Variants in HSDL2 observed in about 807,000 individuals in gnomAD.
HSDL2 encodes hydroxysteroid dehydrogenase like 2, also known as hydroxysteroid dehydrogenase-like protein 2.
HSDL2 carries 27 observed loss-of-function variants against 46.3 expected under a neutral mutation model. That is an observed-to-expected ratio of 0.58 (90% CI 0.43 to 0.80). The LOEUF is 0.80. Ranked by LOEUF, HSDL2 falls within the 30% of genes least tolerant of loss-of-function variation. The probability of loss-of-function intolerance (pLI) is 0.00; values close to 1 mark genes in which losing one functional copy is unlikely to be tolerated. For synonymous variants in HSDL2, 153 were observed against 163.6 expected (o/e 0.94, Z 0.50); for missense variants, 451 against 502.7 (o/e 0.90, Z 0.98).
chr9:112,470,151 G>A (rs760283899), intron 10 of HSDL2, among the ~76,000 whole-genome samples: 11 of 152,154 alleles, frequency 7.2e-5, no homozygotes, highest in Non-Finnish European at 1.3e-4. Flanking sequence ...TTTGAGGGCC[G>A]TGTATCCTTT....
chr9:112,395,909 A>C (rs1472042511), intron 1 of HSDL2, among the ~76,000 whole-genome samples: 1 of 152,202 alleles, frequency 6.6e-6, no homozygotes, highest in East Asian at 1.9e-4. Flanking sequence ...TGCTCAATCC[A>C]AACAGGTGTT....
chr9:112,401,778 G>A (rs899905737), intron 1 of HSDL2, among the ~76,000 whole-genome samples: 1 of 152,082 alleles, frequency 6.6e-6, no homozygotes, highest in African/African-American at 2.4e-5. Context: ...TGGGGTATTG[G>A]TAATATTCTA....
chr9:112,427,199 C>T (rs556395883), intron 6 of HSDL2, among the ~76,000 whole-genome samples: 6 of 152,110 alleles, frequency 3.9e-5, no homozygotes, highest in Non-Finnish European at 5.9e-5. Context: ...GGATTATAGG[C>T]GCCCACCGCT....
intron 7 of HSDL2, among the ~76,000 whole-genome samples, chr9:112,440,267 T>C (rs1460396658): frequency 3.3e-5 from 5 of 152,006 alleles, no homozygotes; most frequent in Admixed American, 6.6e-5. Flanking sequence ...ATAACAAAGA[T>C]GAATTCATTC....
Position 112,422,435 on chromosome 9 carries a change from G to A in HSDL2, c.598+3477G>A, listed in dbSNP as rs2132648413. ...GAGATTGAAATATAATATGAAAAAT[G>A]CTCTCTGGAACTAAAAATAGATTGT... On this transcript the variant is annotated intron_variant, in intron 6 of 10. Transcript: ENST00000398805. Among the ~76,000 whole-genome samples the A allele has an allele frequency of 2.0e-5, 3 of 152,262 alleles. No homozygotes were observed. The East Asian group carries it at 5.8e-4, about 29-fold the overall frequency.
At chr9:112,411,465 A>G (rs1361504800) in intron 4 of HSDL2, among the ~76,000 whole-genome samples, 5 of 152,226 alleles carry the variant, frequency 3.3e-5, no homozygotes, top group Non-Finnish European at 7.3e-5. Flanking sequence ...ACCTGAGGTC[A>G]GGAGTTTAAG....
intron 9 of HSDL2, 57 bp from the exon 10 acceptor site, chr9:112,459,392 A>C: frequency 6.4e-7 from 1 of 1,551,782 alleles, no homozygotes; most frequent in Non-Finnish European, 8.8e-7. Context: ...AGTAATTATT[A>C]AATTTAAGAA....
intron 8 of HSDL2, among the ~76,000 whole-genome samples, chr9:112,450,285 A>C (rs1047971329): frequency 2.8e-5 from 4 of 141,538 alleles, no homozygotes; most frequent in South Asian, 4.6e-4. Flanking sequence ...ATAGAAAAAA[A>C]TTAAAACATT....
At chr9:112,423,782 T>TC (rs1301774619) in intron 6 of HSDL2, among the ~76,000 whole-genome samples, 1 of 151,540 alleles carries the variant, frequency 6.6e-6, no homozygotes, top group Non-Finnish European at 1.5e-5. Flanking sequence ...GTGGCACAAT[T>TC]AGCTCACTGC....
intron 6 of HSDL2, among the ~76,000 whole-genome samples, chr9:112,432,342 A>G (rs1832427128): frequency 6.6e-6 from 1 of 152,174 alleles, no homozygotes; most frequent in South Asian, 2.1e-4. Flanking sequence ...ATTAATTTAT[A>G]ATTATGGTTG....
At chr9:112,441,598 C>T in intron 7 of HSDL2, 101 bp from the exon 8 acceptor site, 2 of 727,496 alleles carry the variant, frequency 2.7e-6, no homozygotes, top group Admixed American at 2.6e-5. Context: ...TCTTTTGCAC[C>T]AGAAAGATTT....
chr9:112,404,388 G>T (rs1358060197), intron 2 of HSDL2, among the ~76,000 whole-genome samples: 1 of 152,130 alleles, frequency 6.6e-6, no homozygotes, highest in Non-Finnish European at 1.5e-5. Context: ...TTCATGGCGG[G>T]GCGTGGTGAC....
chr9:112,408,808 T>G (rs1831792626), intron 3 of HSDL2, 99 bp from the exon 4 acceptor site: 3 of 618,536 alleles, frequency 4.9e-6, no homozygotes, highest in Admixed American at 5.7e-5. Context: ...GGTACATGAC[T>G]GTATTTGTGA....
chr9:112,467,709 C>G (rs1833433285), intron 10 of HSDL2, among the ~76,000 whole-genome samples: 1 of 152,190 alleles, frequency 6.6e-6, no homozygotes, highest in South Asian at 2.1e-4. Context: ...GTCCATGACA[C>G]TAAGCAAAGT....
chr9:112,433,204 GAC>G (rs1343439273), intron 6 of HSDL2, among the ~76,000 whole-genome samples: 1 of 152,220 alleles, frequency 6.6e-6, no homozygotes, highest in Non-Finnish European at 1.5e-5. Flanking sequence ...AACTGGGAAA[GAC>G]ATTTCTTGGC....
rs567895711 is a variant in HSDL2, at chr9:112,380,297, C to T, written c.17+117C>T. 6.3e-4 allele frequency: 595 copies of T among 949,134 alleles called. 2 individuals are homozygous for T. In the African/African-American group the frequency reaches 9.3e-3, roughly 15 times the overall value. 58.8% of individuals were successfully genotyped at this position (949,134 alleles called of 1,614,324 possible). On this transcript the variant is annotated intron_variant, in intron 1 of 10. Coordinates refer to ENST00000398805, the MANE Select transcript of HSDL2 (RefSeq NM_032303.5). ...CGGCTGTGGGAGGTCAAGGATACTGCCTGGGCACGCTCTGAGCTCTGGTCC... is the reference window on the plus strand; with the variant it reads ...CGGCTGTGGGAGGTCAAGGATACTGTCTGGGCACGCTCTGAGCTCTGGTCC...
At chr9:112,419,363 T>G (rs757869372) in intron 6 of HSDL2, among the ~76,000 whole-genome samples, 5 of 152,198 alleles carry the variant, frequency 3.3e-5, no homozygotes, top group Non-Finnish European at 5.9e-5. Context: ...TGTAGACTGT[T>G]AATACTAACT....
At chr9:112,403,902 A>G (rs1048620933) in intron 1 of HSDL2, 93 bp from the exon 2 acceptor site, 3 of 1,331,120 alleles carry the variant, frequency 2.3e-6, no homozygotes, top group Admixed American at 2.0e-5. Flanking sequence ...CAGAGGAGGA[A>G]ACATATATTA....
At chr9:112,460,467 G>A (rs1001904920) in intron 10 of HSDL2, among the ~76,000 whole-genome samples, 5 of 152,156 alleles carry the variant, frequency 3.3e-5, no homozygotes, top group African/African-American at 1.2e-4. Context: ...AGAAAATATA[G>A]GCCAGGCCTG....
Sources: gnomAD v4.1 joint callset for allele counts (sites outside exome capture counted in the v4.1 genomes callset) on GRCh38, gnomAD v4.1.1 for gene constraint, MANE v1.5 for transcripts, NCBI Gene and HGNC (gene_info 2026-07-23, HGNC 2026-07-21) for gene names.